Variants in KIF14 observed in about 807,000 individuals in gnomAD.
KIF14 encodes the protein kinesin family member 14.
Under a neutral mutation model 176.2 loss-of-function variants are expected in KIF14, and 98 were observed. The observed-to-expected ratio is 0.56, with a 90% CI of 0.47 to 0.66. The LOEUF is 0.66. KIF14 is among the 30% of genes least tolerant of loss of function. KIF14 has a pLI of 0.00. For missense variants in KIF14, 1,751 were observed against 1,920.4 expected (o/e 0.91, Z 1.65); for synonymous variants, 566 against 632.2 (o/e 0.90, Z 1.57).
Position 200,600,468 on chromosome 1 carries a change from G to C in KIF14, c.2188C>G (p.Gln730Glu). 6.2e-7 allele frequency: 1 copy of C among 1,613,664 alleles called. No individual in the cohort carries two copies. The highest frequency in any genetic ancestry group is 8.5e-7 in the Non-Finnish European group (1 of 1,179,672). The change falls in exon 12 of 30, where the codon CAG becomes GAG. Residue 730 changes from glutamine to glutamate, a missense_variant. Physicochemically the swap from Gln to Glu is conservative, Grantham distance 29. Coordinates refer to ENST00000367350, the MANE Select transcript of KIF14 (RefSeq NM_014875.3). Reference sequence around the variant, plus strand: ...GGGTCAATATTCCGACTGTTTCTCTGAGCAGCTTTTAGCTTTGCAATTTCT... The same window carrying C: ...GGGTCAATATTCCGACTGTTTCTCTCAGCAGCTTTTAGCTTTGCAATTTCT... ...KAEIAKLKAA[Q>E]RNSRNIDPER... is the part of the protein sequence containing the mutation.
Position 200,586,214 on chromosome 1 carries a change from T to C in KIF14, c.3128A>G (p.His1043Arg), listed in dbSNP as rs1658729511. The C allele has an allele frequency of 6.3e-7, 1 of 1,598,016 alleles. No homozygotes were observed. Among genetic ancestry groups the C allele is most frequent in the Non-Finnish European group, 8.5e-7 (1 of 1,170,272 alleles). Residue 1043 changes from histidine (H) to arginine (R), a missense_variant, in exon 19 of 30, where the codon CAT (histidine) becomes CGT (arginine). His to Arg is a conservative substitution (Grantham distance 29). Transcript: ENST00000367350. The stretch of plus-strand genomic sequence containing the variant: ...CAGAATTCTTGCATGGCGGATGCTA[T>C]GGTCTTCTAAAGCCTAATTGATATT... ...TLATKQALED[H>R]SIRHARILEA... is the part of the protein sequence containing the mutation.
chr1:200,586,127 C>T lies in KIF14; in HGVS notation c.3215G>A (p.Arg1072Gln), dbSNP rs375038287. Residue 1072 changes from arginine (R) to glutamine (Q), a missense_variant, in exon 19 of 30, where the codon CGG (arginine) becomes CAG (glutamine). Coordinates refer to ENST00000367350, the MANE Select transcript of KIF14 (RefSeq NM_014875.3). ...AKEVQILQQN[R>Q]NNRDKTFTVQ... ...TGTAAAAGTTTTATCCCTATTATTCCGATTCTGCTGTAGAATTTGTACTTC... is the reference window on the plus strand; with the variant it reads ...TGTAAAAGTTTTATCCCTATTATTCTGATTCTGCTGTAGAATTTGTACTTC... The T allele has an allele frequency of 3.4e-5, 54 of 1,587,556 alleles. No individual in the cohort carries two copies. The highest frequency in any genetic ancestry group is 1.3e-4 in the African/African-American group (10 of 74,338).
At position 200,600,061 on chromosome 1, in the gene KIF14, T is replaced by C. The variant is rs1659548084; in HGVS notation, c.2353A>G (p.Lys785Glu). ...AGTTGAAATAATACCTGTAACTCTT[T>C]TGTTTCTTGAAGTTTTCTTTTTTCA... ...QAEKRKLQET[K>E]ELQKAGIMFQ... is the part of the protein sequence containing the mutation. The change falls in exon 13 of 30, where the codon AAA becomes GAA. Residue 785 changes from lysine to glutamate, a missense_variant. Transcript: ENST00000367350. 5 of 1,580,950 alleles carry C rather than the reference T, an allele frequency of 3.2e-6. No homozygotes were observed. The highest frequency in any genetic ancestry group is 2.6e-6 in the Non-Finnish European group (3 of 1,153,548).
chr1:200,584,294 G>A (rs1296240317), intron 19 of KIF14, among the ~76,000 whole-genome samples: 2 of 150,732 alleles, frequency 1.3e-5, no homozygotes, highest in Non-Finnish European at 2.9e-5. Context: ...AAGAATTAAT[G>A]CTAACCCTTT....
chr1:200,614,830 T>C (rs1202214505), intron 3 of KIF14, among the ~76,000 whole-genome samples: 1 of 146,378 alleles, frequency 6.8e-6, no homozygotes, highest in African/African-American at 2.5e-5. Flanking sequence ...AACTCAAATG[T>C]TAGCTACTGT....
intron 4 of KIF14, among the ~76,000 whole-genome samples, chr1:200,609,902 T>C (rs1005858780): frequency 7.2e-5 from 11 of 152,240 alleles, no homozygotes; most frequent in African/African-American, 2.7e-4. Context: ...ACAATGTAGA[T>C]GAACCTCAAC....
chr1:200,603,587 C>T (rs1178592725), intron 9 of KIF14, among the ~76,000 whole-genome samples: 1 of 152,144 alleles, frequency 6.6e-6, no homozygotes, highest in Non-Finnish European at 1.5e-5. Flanking sequence ...GGACTACAGA[C>T]ACATGCCACA....
At chr1:200,590,080 G>A (rs1223380420) in intron 17 of KIF14, 45 bp downstream of exon 17, 1 of 1,564,690 alleles carries the variant, frequency 6.4e-7, no homozygotes, top group Admixed American at 1.9e-5. Flanking sequence ...CATCACTTGG[G>A]GTACACTGTC....
chr1:200,592,359 A>G (rs1659097530), intron 15 of KIF14, 119 bp from the exon 16 acceptor site: 2 of 727,014 alleles, frequency 2.8e-6, no homozygotes, highest in Non-Finnish European at 4.4e-6. Context: ...CATAAACATC[A>G]TAGCAACTAA....
At chr1:200,564,758 T>C (rs1226312067) in intron 25 of KIF14, among the ~76,000 whole-genome samples, 3 of 152,150 alleles carry the variant, frequency 2.0e-5, no homozygotes, top group Non-Finnish European at 1.5e-5. Context: ...CATTGGATGG[T>C]ATATTTATTT....
intron 5 of KIF14, among the ~76,000 whole-genome samples, chr1:200,608,345 G>T: frequency 6.7e-6 from 1 of 149,712 alleles, no homozygotes; most frequent in African/African-American, 2.4e-5. Flanking sequence ...ATTTCTACTA[G>T]TGATAATGTT....
intron 21 of KIF14, among the ~76,000 whole-genome samples, chr1:200,579,562 T>C (rs1658330944): frequency 6.6e-6 from 1 of 151,786 alleles, no homozygotes; most frequent in Non-Finnish European, 1.5e-5. Context: ...TGAGCTGAGA[T>C]TGCACCACTG....
intron 25 of KIF14, among the ~76,000 whole-genome samples, chr1:200,564,377 A>G (rs1216982915): frequency 1.3e-5 from 2 of 151,980 alleles, no homozygotes; most frequent in South Asian, 4.2e-4. Context: ...CAGGGGCTAC[A>G]CTTTGGGCAT....
chr1:200,608,398 T>G (rs1030497593), intron 5 of KIF14, among the ~76,000 whole-genome samples: 4 of 149,042 alleles, frequency 2.7e-5, no homozygotes, highest in Non-Finnish European at 4.4e-5. Flanking sequence ...GAAGTCTCAC[T>G]CTGTCGCCCA....
At position 200,581,255 on chromosome 1, in the gene KIF14, A is replaced by G. The variant is rs1250201322; in HGVS notation, c.3281T>C (p.Ile1094Thr). ...GCTGCTGATAGCATTGGCTTCCTGA[A>G]TCATCATTGAGAGTTTCATAGAGCT... Reference protein sequence around the residue: ...TWSSMKLSMMIQEANAISSKL... With the variant: ...TWSSMKLSMMTQEANAISSKL... Residue 1094 changes from isoleucine to threonine, a missense_variant, in exon 20 of 30, where the codon ATT becomes ACT. Ile to Thr is a moderately conservative substitution (Grantham distance 89). Coordinates refer to ENST00000367350, the MANE Select transcript of KIF14 (RefSeq NM_014875.3). 1 of 1,605,260 alleles carries G rather than the reference A, an allele frequency of 6.2e-7. No individual in the cohort carries two copies. The highest frequency in any genetic ancestry group is 8.5e-7 in the Non-Finnish European group (1 of 1,176,606).
rs377725495 is a variant in KIF14 at position 200,580,348 on chromosome 1, G to C, written c.3371C>G (p.Ser1124Cys). 6.6e-7 allele frequency: 1 copy of C among 1,521,946 alleles called. No homozygotes were observed. Among genetic ancestry groups the C allele is most frequent in the Admixed American group, 1.9e-5 (1 of 52,586 alleles). 94.3% of individuals were successfully genotyped at this position (1,521,946 alleles called of 1,614,324 possible). The stretch of plus-strand genomic sequence containing the variant: ...TAGTTTCAGGTTACGAACCCGAATA[G>C]AAGTGTCAGAACTACTTTTATCTGA... Reference protein sequence around the residue: ...DISDKSSSDTSIRVRNLKLGI... With the variant: ...DISDKSSSDTCIRVRNLKLGI... Residue 1124 changes from serine to cysteine, a missense_variant, in exon 21 of 30, where the codon TCT becomes TGT. By Grantham distance (112) the Ser-to-Cys change is moderately radical. Transcript: ENST00000367350.
At chr1:200,572,195 T>C (rs1657828383) in intron 22 of KIF14, among the ~76,000 whole-genome samples, 2 of 152,232 alleles carry the variant, frequency 1.3e-5, no homozygotes, top group Admixed American at 1.3e-4. Flanking sequence ...CCCAAAAATC[T>C]CTGTGAAATG....
intron 14 of KIF14, among the ~76,000 whole-genome samples, chr1:200,594,857 G>C (rs1216865330): frequency 6.6e-6 from 1 of 152,150 alleles, no homozygotes; most frequent in Non-Finnish European, 1.5e-5. Flanking sequence ...TTCACCCTTA[G>C]GCACTACATC....
At chr1:200,571,942 G>A (rs1657813492) in intron 22 of KIF14, among the ~76,000 whole-genome samples, 2 of 152,152 alleles carry the variant, frequency 1.3e-5, no homozygotes, top group South Asian at 2.1e-4. Context: ...ATTGTCAACA[G>A]TATGTATCAA....
Sources: allele counts gnomAD v4.1 joint callset (sites outside exome capture counted in the v4.1 genomes callset), GRCh38; gene constraint gnomAD v4.1.1; transcripts MANE v1.5; gene names NCBI Gene and HGNC (gene_info 2026-07-23, HGNC 2026-07-21).